USP34: variants seen among roughly 807,000 people sequenced by gnomAD.
The protein encoded by USP34 is ubiquitin specific peptidase 34.
USP34 carries 70 observed loss-of-function variants against 460.3 expected under a neutral mutation model. That is an observed-to-expected ratio of 0.15 (90% CI 0.13 to 0.19). The LOEUF (loss-of-function observed/expected upper bound fraction) is 0.19. USP34 is among the 10% of genes least tolerant of loss of function. The pLI, the probability that USP34 is intolerant of heterozygous loss-of-function variation, is 1.00. For synonymous variants in USP34, 1,647 were observed against 1,405.3 expected, an observed-to-expected ratio of 1.17 and a Z score of -3.85; for missense variants, 3,985 against 4,236.2, an observed-to-expected ratio of 0.94 and a Z score of 1.65.
At chr2:61,326,777 A>ATTT (rs35060068) in intron 20 of USP34, among the ~76,000 whole-genome samples, 10 of 103,016 alleles carry the variant, frequency 9.7e-5, no homozygotes, top group Non-Finnish European at 1.1e-4. Flanking sequence ...GTCAATGGGC[A>ATTT]TTTTTTTTTT....
At chr2:61,272,905 G>A (rs1689258597) in intron 41 of USP34, among the ~76,000 whole-genome samples, 1 of 152,086 alleles carries the variant, frequency 6.6e-6, no homozygotes, top group South Asian at 2.1e-4. Context: ...GAGTCTGCTT[G>A]GGGAAAATAA....
intron 4 of USP34, 76 bp downstream of exon 4, chr2:61,395,107 A>G: frequency 1.4e-6 from 2 of 1,437,126 alleles, no homozygotes; most frequent in Admixed American, 2.3e-5. Flanking sequence ...ACATATATAA[A>G]TAATAAAACA....
chr2:61,420,816 C>T lies in USP34; in HGVS notation c.61G>A (p.Gly21Ser), dbSNP rs1411852621. 2.5e-6 allele frequency: 4 copies of T among 1,609,594 alleles called. No homozygotes were observed. Among genetic ancestry groups the T allele is most frequent in the Non-Finnish European group, 3.4e-6 (4 of 1,177,820 alleles). Reference sequence around the variant, plus strand: ...TCCTTTCTGAGCTGCAGTCCATCACCACCTTCTACATCTGATACTGAAATA... The same window carrying T: ...TCCTTTCTGAGCTGCAGTCCATCACTACCTTCTACATCTGATACTGAAATA... ...VLNEISDVEGGDGLQLRKEHT... is the reference protein window; with the variant it reads ...VLNEISDVEGSDGLQLRKEHT... Residue 21 changes from glycine to serine, a missense_variant, in exon 2 of 80, where the codon GGT becomes AGT. Coordinates refer to ENST00000398571, the MANE Select transcript of USP34 (RefSeq NM_014709.4).
chr2:61,319,254 G>A lies in USP34; in HGVS notation c.3087C>T (p.Leu1029=). 2 of 1,594,268 alleles carry A rather than the reference G, an allele frequency of 1.3e-6. No individual in the cohort carries two copies. The highest frequency in any genetic ancestry group is 1.7e-6 in the Non-Finnish European group (2 of 1,173,866). ...VEDSECYDDA[L]HWFLNQVRSK... is the part of the protein sequence containing the mutation. The stretch of plus-strand genomic sequence containing the variant: ...TTCGAACTTGATTTAAAAACCAATG[G>A]AGTGCATCATCATAACATTCAGAAT... The change falls in exon 22 of 80, where the codon CTC becomes CTT. Residue 1029 remains leucine, a synonymous_variant. Transcript: ENST00000398571.
At chr2:61,322,008 C>T (rs1330782901) in intron 21 of USP34, among the ~76,000 whole-genome samples, 5 of 152,168 alleles carry the variant, frequency 3.3e-5, no homozygotes, top group Non-Finnish European at 7.3e-5. Flanking sequence ...GTGGGTGGAT[C>T]ACCTGAGGTC....
intron 67 of USP34, among the ~76,000 whole-genome samples, chr2:61,216,244 G>A (rs1687392793): frequency 6.6e-6 from 1 of 152,138 alleles, no homozygotes; most frequent in African/African-American, 2.4e-5. Context: ...CTGGCATGTA[G>A]GTATCATCCT....
At chr2:61,227,687 G>C (rs561827120) in intron 61 of USP34, among the ~76,000 whole-genome samples, 1 of 151,792 alleles carries the variant, frequency 6.6e-6, no homozygotes, top group Non-Finnish European at 1.5e-5. Context: ...CTCCAGCCTG[G>C]GAGACAGAGT....
intron 2 of USP34, among the ~76,000 whole-genome samples, chr2:61,407,126 C>A (rs745492630): frequency 2.0e-5 from 3 of 152,216 alleles, no homozygotes; most frequent in Non-Finnish European, 4.4e-5. Context: ...TGGTTCACAC[C>A]TGTAATCCCA....
chr2:61,305,108 G>T (rs1025084472), intron 27 of USP34, among the ~76,000 whole-genome samples: 9 of 152,152 alleles, frequency 5.9e-5, no homozygotes, highest in Admixed American at 2.0e-4. Flanking sequence ...GGCCGATCAT[G>T]AGGTCAGGAG....
chr2:61,285,287 G>A (rs151016865), intron 34 of USP34, among the ~76,000 whole-genome samples: 11 of 151,956 alleles, frequency 7.2e-5, no homozygotes, highest in East Asian at 1.9e-4. Context: ...CCAGAAATCC[G>A]ACACTAGCTG....
At chr2:61,409,487 G>A (rs1321033546) in intron 2 of USP34, among the ~76,000 whole-genome samples, 1 of 152,190 alleles carries the variant, frequency 6.6e-6, no homozygotes, top group Non-Finnish European at 1.5e-5. Context: ...GCCAAGGCAG[G>A]TGGATCACTT....
intron 8 of USP34, among the ~76,000 whole-genome samples, chr2:61,373,566 G>A (rs1288445442): frequency 1.3e-5 from 2 of 151,186 alleles, no homozygotes; most frequent in South Asian, 2.1e-4. Flanking sequence ...CATTTAAAAC[G>A]AAAAAAAGGA....
At chr2:61,463,557 G>A (rs1431991267) in intron 1 of USP34, among the ~76,000 whole-genome samples, 1 of 152,088 alleles carries the variant, frequency 6.6e-6, no homozygotes, top group African/African-American at 2.4e-5. Context: ...TTTTAGGCCA[G>A]GCAGGATGGC....
Position 61,228,809 on chromosome 2 carries a change from G to A in USP34, c.7368+18C>T, listed in dbSNP as rs1687803410. Reference sequence around the variant, plus strand: ...AAAAAGGTAGATAATCAAAAAAATAGACAAGATATAGCCTCACCTCTTCTT... The same window carrying A: ...AAAAAGGTAGATAATCAAAAAAATAAACAAGATATAGCCTCACCTCTTCTT... On this transcript the variant is annotated intron_variant, in intron 60 of 79. Coordinates refer to ENST00000398571, the MANE Select transcript of USP34 (RefSeq NM_014709.4). 3 of 1,588,698 alleles carry A rather than the reference G, an allele frequency of 1.9e-6. No individual in the cohort carries two copies.
chr2:61,252,907 A>G (rs1398684340), intron 48 of USP34, among the ~76,000 whole-genome samples: 1 of 152,332 alleles, frequency 6.6e-6, no homozygotes, highest in East Asian at 1.9e-4. Context: ...AAACAAAACA[A>G]AACACATCAC....
At chr2:61,369,337 T>C (rs557663637) in intron 10 of USP34, among the ~76,000 whole-genome samples, 42 of 152,276 alleles carry the variant, frequency 2.8e-4, no homozygotes, top group African/African-American at 9.6e-4. Context: ...TATTACAGCA[T>C]TGTTTGTAAC....
chr2:61,422,487 GAGT>G (rs759625484), intron 1 of USP34, among the ~76,000 whole-genome samples: 15 of 152,212 alleles, frequency 9.9e-5, no homozygotes, highest in Non-Finnish European at 1.9e-4. Flanking sequence ...CATTTCATCA[GAGT>G]AGAGTTCTCC....
chr2:61,238,390 C>A (rs1221565654), intron 53 of USP34, among the ~76,000 whole-genome samples: 1 of 152,174 alleles, frequency 6.6e-6, no homozygotes, highest in Non-Finnish European at 1.5e-5. Context: ...CTCTAACTCT[C>A]AAGTTTCAGT....
chr2:61,198,738 G>A (rs961522534), intron 75 of USP34, among the ~76,000 whole-genome samples: 4 of 152,042 alleles, frequency 2.6e-5, no homozygotes, highest in Non-Finnish European at 5.9e-5. Flanking sequence ...GTGTGGTGGT[G>A]GGCACCTGTA....
Sources: gnomAD v4.1 joint callset for allele counts (sites outside exome capture counted in the v4.1 genomes callset) on GRCh38, gnomAD v4.1.1 for gene constraint, MANE v1.5 for transcripts, NCBI Gene and HGNC (gene_info 2026-07-23, HGNC 2026-07-21) for gene names.